Variants in TENT4A observed in about 807,000 individuals in gnomAD.
The protein encoded by TENT4A is DNA polymerase kappa.
A neutral mutation model predicts 72.8 loss-of-function variants in TENT4A; 7 were observed. That is an observed-to-expected ratio of 0.10 (90% CI 0.05 to 0.18). The LOEUF (loss-of-function observed/expected upper bound fraction) is 0.18, where lower values mean the gene tolerates loss of function less well. TENT4A is among the 10% of genes least tolerant of loss of function. The probability of loss-of-function intolerance (pLI) is 1.00; values close to 1 mark genes in which losing one functional copy is unlikely to be tolerated. For synonymous variants in TENT4A, 456 were observed against 434.3 expected (o/e 1.05, Z -0.62); for missense variants, 831 against 1,017.7 (o/e 0.82, Z 2.50).
At chr5:6,735,111 C>G (rs1741412332) in intron 1 of TENT4A, among the ~76,000 whole-genome samples, 1 of 152,178 alleles carries the variant, frequency 6.6e-6, no homozygotes, top group Non-Finnish European at 1.5e-5. Flanking sequence ...GCCATTTTGA[C>G]AAATTGGAAT....
chr5:6,753,200 A>T (rs539819237), intron 12 of TENT4A, among the ~76,000 whole-genome samples, 163 bp downstream of exon 12: 69 of 152,352 alleles, frequency 4.5e-4, no homozygotes, highest in South Asian at 1.0e-3. Flanking sequence ...AACAAAACTT[A>T]AAAAAGTTAA....
chr5:6,718,431 C>A (rs568139988), intron 1 of TENT4A, among the ~76,000 whole-genome samples: 1 of 152,158 alleles, frequency 6.6e-6, no homozygotes, highest in African/African-American at 2.4e-5. Context: ...AGGCATCACT[C>A]TAGGGGCCTT....
intron 1 of TENT4A, among the ~76,000 whole-genome samples, chr5:6,735,914 CCA>C (rs1312727498): frequency 6.6e-6 from 1 of 152,082 alleles, no homozygotes; most frequent in African/African-American, 2.4e-5. Context: ...GCATGTGCCA[CCA>C]CGCCTGGCTA....
At chr5:6,725,328 G>C (rs1469230933) in intron 1 of TENT4A, among the ~76,000 whole-genome samples, 1 of 148,042 alleles carries the variant, frequency 6.8e-6, no homozygotes, top group African/African-American at 2.5e-5. Context: ...CTCAAAAAAA[G>C]AAAAAAAAAA....
rs1294704807 is a variant in TENT4A, at chr5:6,749,646, C to T, written c.1676C>T (p.Ser559Leu). The T allele has an allele frequency of 9.9e-6, 16 of 1,608,468 alleles. No homozygotes were observed. Among genetic ancestry groups the T allele is most frequent in the East Asian group, 2.2e-5 (1 of 44,838 alleles). ...KEKWGSKAHP[S>L]PGMDSRIKIK... ...AAGTGGGGCAGCAAAGCCCACCCGT[C>T]GCCAGGCATGGGTGAGAGATTAATT... Residue 559 changes from serine (S) to leucine (L), a missense_variant, in exon 9 of 13, where the codon TCG (serine) becomes TTG (leucine). This residue lies in a region of TENT4A where 332 missense variants were observed against 324.3 expected (regional missense o/e 1.02). Coordinates refer to ENST00000230859, the MANE Select transcript of TENT4A (RefSeq NM_006999.6).
chr5:6,724,131 C>T (rs1004351569), intron 1 of TENT4A, among the ~76,000 whole-genome samples: 6 of 152,118 alleles, frequency 3.9e-5, no homozygotes, highest in Admixed American at 3.9e-4. Flanking sequence ...GCGTCTTGCC[C>T]AAGGCGCTAC....
At chr5:6,740,814 G>A (rs938663240) in intron 4 of TENT4A, among the ~76,000 whole-genome samples, 2 of 152,226 alleles carry the variant, frequency 1.3e-5, no homozygotes, top group Admixed American at 6.5e-5. Context: ...TCATTAGCAC[G>A]AGACAAGCCC....
At position 6,737,588 on chromosome 5, in the gene TENT4A, G is replaced by C; in HGVS notation, c.795G>C (p.Val265=). ...PEEAAMRREV[V]KRIETVVKDL... is the part of the protein sequence containing the mutation. ...AAGCAGCTATGAGAAGAGAGGTGGTGAAACGGATCGAAACTGTGGTGAAAG... is the reference window on the plus strand; with the variant it reads ...AAGCAGCTATGAGAAGAGAGGTGGTCAAACGGATCGAAACTGTGGTGAAAG... The change falls in exon 2 of 13, where the codon GTG becomes GTC. Residue 265 remains valine, a synonymous_variant. Coordinates refer to ENST00000230859, the MANE Select transcript of TENT4A (RefSeq NM_006999.6). The C allele has an allele frequency of 3.1e-6, 5 of 1,614,194 alleles. No homozygotes were observed. Among genetic ancestry groups the C allele is most frequent in the Non-Finnish European group, 4.2e-6 (5 of 1,180,012 alleles).
In TENT4A at chr5:6,714,221, G is replaced by C. The variant is rs1013553075; in HGVS notation, c.238G>C (p.Ala80Pro). ...AASPPPPGPT[A>P]PAALPPALLT... ...GTCGCCCCCGCCGCCCGGCCCCACC[G>C]CGCCCGCCGCGCTGCCCCCCGCGCT... Residue 80 changes from alanine to proline, a missense_variant, in exon 1 of 13, where the codon GCG (alanine) becomes CCG (proline). Ala to Pro is a conservative substitution (Grantham distance 27). Around this residue, in one of 3 missense-constraint regions of TENT4A, gnomAD observed 302 missense variants for 293.8 expected, o/e 1.03. Transcript: ENST00000230859. 59 of 980,448 alleles carry C rather than the reference G, an allele frequency of 6.0e-5. No homozygotes were observed. The African/African-American group carries it at 1.0e-3, about 17-fold the overall frequency. The allele number at this position is 980,448 out of a possible 1,614,324, so 60.7% of individuals were successfully genotyped here. A position where few individuals can be genotyped will look rare whatever the true frequency, so the allele number is the denominator to read the frequency against.
At chr5:6,753,974 C>T (rs1369118186) in intron 12 of TENT4A, among the ~76,000 whole-genome samples, 1 of 152,184 alleles carries the variant, frequency 6.6e-6, no homozygotes, top group South Asian at 2.1e-4. Flanking sequence ...CTGAAGCCGG[C>T]GTGTGTTCCC....
At chr5:6,734,509 C>T (rs1354064406) in intron 1 of TENT4A, among the ~76,000 whole-genome samples, 1 of 152,248 alleles carries the variant, frequency 6.6e-6, no homozygotes, top group African/African-American at 2.4e-5. Context: ...CAGTGGGGCA[C>T]TTCGCCAGAG....
intron 1 of TENT4A, among the ~76,000 whole-genome samples, chr5:6,736,735 G>A (rs773411651): frequency 1.1e-4 from 17 of 152,222 alleles, no homozygotes; most frequent in Admixed American, 2.0e-4. Context: ...AGGTGGCGGC[G>A]TGAGGCGTCT....
At position 6,754,877 on chromosome 5, in the gene TENT4A, C is replaced by T. The variant is rs763801628; in HGVS notation, c.2311C>T (p.Arg771Cys). 3.7e-6 allele frequency: 6 copies of T among 1,607,536 alleles called. No homozygotes were observed. Among genetic ancestry groups the T allele is most frequent in the South Asian group, 1.1e-5 (1 of 90,766 alleles). ...VGNRGHHQYN[R>C]TGWRRKKHTH... Reference sequence around the variant, plus strand: ...CAACAGGGGACACCACCAGTATAACCGCACCGGCTGGAGGAGGAAAAAACA... The same window carrying T: ...CAACAGGGGACACCACCAGTATAACTGCACCGGCTGGAGGAGGAAAAAACA... Residue 771 changes from arginine (R) to cysteine (C), a missense_variant, in exon 13 of 13, where the codon CGC (arginine) becomes TGC (cysteine). Arg to Cys is a radical substitution (Grantham distance 180). Around this residue, in one of 3 missense-constraint regions of TENT4A, gnomAD observed 332 missense variants for 324.3 expected, o/e 1.02. Transcript: ENST00000230859.
chr5:6,750,717 G>C, intron 10 of TENT4A: 1 of 546,878 alleles, frequency 1.8e-6, no homozygotes, highest in Non-Finnish European at 3.2e-6. Context: ...CGACTCATGC[G>C]GCTGTCGAGG....
chr5:6,726,400 G>A (rs1740921360), intron 1 of TENT4A, among the ~76,000 whole-genome samples: 2 of 152,126 alleles, frequency 1.3e-5, no homozygotes, highest in Non-Finnish European at 2.9e-5. Flanking sequence ...TTCCTAATGT[G>A]GTTCATGCTT....
chr5:6,741,770 G>A (rs1741818363), intron 4 of TENT4A, among the ~76,000 whole-genome samples: 1 of 152,182 alleles, frequency 6.6e-6, no homozygotes, highest in Admixed American at 6.5e-5. Flanking sequence ...ACTGGCATTT[G>A]AACTTTTCGT....
intron 1 of TENT4A, among the ~76,000 whole-genome samples, chr5:6,731,386 C>T (rs373372157): frequency 6.6e-5 from 10 of 152,066 alleles, no homozygotes; most frequent in African/African-American, 1.2e-4. Flanking sequence ...ATGAGATTAA[C>T]GGGGTGTTAA....
chr5:6,719,485 T>C (rs1268902881), intron 1 of TENT4A, among the ~76,000 whole-genome samples: 1 of 152,074 alleles, frequency 6.6e-6, no homozygotes, highest in East Asian at 1.9e-4. Flanking sequence ...TGCAGAAGAT[T>C]GAAGAAGCCG....
At chr5:6,750,762 C>T (rs1742358905) in intron 10 of TENT4A, 1 of 549,808 alleles carries the variant, frequency 1.8e-6, no homozygotes, top group Non-Finnish European at 3.2e-6. Context: ...CTACAGTGGA[C>T]TTCCTTGAGT....
Sources: gnomAD v4.1 joint callset for allele counts (sites outside exome capture counted in the v4.1 genomes callset) on GRCh38, gnomAD v4.1.1 for gene constraint, gnomAD v4.1.1 regional missense constraint, MANE v1.5 for transcripts, NCBI Gene and HGNC (gene_info 2026-07-23, HGNC 2026-07-21) for gene names.